Variants in EVA1C observed in about 807,000 individuals in gnomAD.
EVA1C encodes protein eva-1 homolog C.
A neutral mutation model predicts 45.4 loss-of-function variants in EVA1C; 25 were observed. The ratio of observed to expected loss-of-function variants is 0.55; its 90% CI spans 0.40 to 0.77. The LOEUF is 0.77. EVA1C is among the 30% of genes least tolerant of loss of function. The probability of loss-of-function intolerance (pLI) is 0.00; values close to 1 mark genes in which losing one functional copy is unlikely to be tolerated. For missense variants in EVA1C, 479 were observed against 554.8 expected, an observed-to-expected ratio of 0.86 and a Z score of 1.37; for synonymous variants, 190 against 221.2, an observed-to-expected ratio of 0.86 and a Z score of 1.25.
chr21:32,459,352 A>G (rs770798008), intron 3 of EVA1C, among the ~76,000 whole-genome samples: 8 of 152,134 alleles, frequency 5.3e-5, no homozygotes, highest in Admixed American at 1.3e-4. Context: ...CATTGGGATC[A>G]CCTCCTGCCT....
intron 1 of EVA1C, among the ~76,000 whole-genome samples, chr21:32,418,064 C>T (rs1203990730): frequency 2.0e-5 from 3 of 152,116 alleles, no homozygotes; most frequent in Non-Finnish European, 2.9e-5. Flanking sequence ...CCAGGGAGAC[C>T]AGGACTGTAT....
At chr21:32,426,135 G>T (rs895084612) in intron 1 of EVA1C, among the ~76,000 whole-genome samples, 2 of 152,056 alleles carry the variant, frequency 1.3e-5, no homozygotes, top group African/African-American at 4.8e-5. Flanking sequence ...GCCCAGTGGG[G>T]TTTTAGTCAG....
intron 4 of EVA1C, among the ~76,000 whole-genome samples, chr21:32,473,372 C>T (rs1365167693): frequency 1.3e-5 from 2 of 152,234 alleles, no homozygotes; most frequent in African/African-American, 4.8e-5. Flanking sequence ...TGTAGCTGTA[C>T]ATGAAGGCTT....
At chr21:32,438,137 G>C (rs999772418) in intron 1 of EVA1C, among the ~76,000 whole-genome samples, 6 of 152,130 alleles carry the variant, frequency 3.9e-5, no homozygotes, top group African/African-American at 1.2e-4. Flanking sequence ...AACTCAACTT[G>C]ATGCATTCAT....
At position 32,427,480 on chromosome 21, in the gene EVA1C, T is replaced by C. The variant is rs1166261282; in HGVS notation, c.160+14467T>C. Among the ~76,000 whole-genome samples, 5 of 150,942 alleles carry C rather than the reference T, an allele frequency of 3.3e-5. No homozygotes were observed. The East Asian group carries it at 7.9e-4, about 24-fold the overall frequency. On this transcript the variant is annotated intron_variant, in intron 1 of 7. Coordinates refer to ENST00000300255, the MANE Select transcript of EVA1C (RefSeq NM_058187.5). ...TTGTAATCCCAGCACTTTGGGAGGCTGAGGCGGAAAGATCACGAGGTCAAG... is the reference window on the plus strand; with the variant it reads ...TTGTAATCCCAGCACTTTGGGAGGCCGAGGCGGAAAGATCACGAGGTCAAG...
intron 4 of EVA1C, among the ~76,000 whole-genome samples, chr21:32,479,111 G>A (rs778775274): frequency 6.6e-6 from 1 of 152,234 alleles, no homozygotes; most frequent in Non-Finnish European, 1.5e-5. Context: ...TGGGGGTGGA[G>A]GGCAGTTTGC....
intron 4 of EVA1C, among the ~76,000 whole-genome samples, chr21:32,492,715 T>TC (rs2037206750): frequency 6.6e-6 from 1 of 151,946 alleles, no homozygotes; most frequent in South Asian, 2.1e-4. Flanking sequence ...TTTTGTTTTT[T>TC]TTTTTAATGA....
In EVA1C at chr21:32,437,527, G is replaced by A. The variant is rs2833826; in HGVS notation, c.161-15785G>A. On this transcript the variant is annotated intron_variant, in intron 1 of 7. Transcript: ENST00000300255. ...TAGCTCCCGCATCCCTTCAGGTTAA[G>A]ATTCAGACTTCTTAGCAAGGCACTG... 2.7e-3 allele frequency among the ~76,000 whole-genome samples: 411 copies of A among 152,298 alleles called. 1 individual carries two copies. The highest frequency in any genetic ancestry group is 9.3e-3 in the African/African-American group (387 of 41,574).
intron 7 of EVA1C, among the ~76,000 whole-genome samples, chr21:32,507,626 ATC>A (rs774374680): frequency 1.4e-5 from 2 of 146,102 alleles, no homozygotes; most frequent in East Asian, 2.0e-4. Context: ...GTACATGCGT[ATC>A]TGTGTGTGCA....
intron 3 of EVA1C, among the ~76,000 whole-genome samples, chr21:32,466,861 A>G (rs1371656635): frequency 6.7e-6 from 1 of 149,486 alleles, no homozygotes; most frequent in Non-Finnish European, 1.5e-5. Flanking sequence ...AGGTCTTGCT[A>G]TGTTTCCCAG....
At chr21:32,508,481 CA>C (rs965928751) in intron 7 of EVA1C, among the ~76,000 whole-genome samples, 3 of 152,174 alleles carry the variant, frequency 2.0e-5, no homozygotes, top group African/African-American at 7.2e-5. Context: ...AAGAGAAACA[CA>C]AAAACACGCT....
intron 7 of EVA1C, among the ~76,000 whole-genome samples, chr21:32,508,515 C>T (rs1257518085): frequency 2.0e-5 from 3 of 152,152 alleles, no homozygotes; most frequent in Non-Finnish European, 2.9e-5. Context: ...CTATGTGATT[C>T]CCCCACCAGG....
chr21:32,454,888 T>C (rs115411200), intron 2 of EVA1C, among the ~76,000 whole-genome samples: 1,602 of 152,294 alleles, frequency 0.011, 28 homozygotes, highest in African/African-American at 0.036. Context: ...TTTAGGTGAT[T>C]GGTGAAACAC....
At chr21:32,490,188 C>T (rs1327069995) in intron 4 of EVA1C, among the ~76,000 whole-genome samples, 1 of 152,052 alleles carries the variant, frequency 6.6e-6, no homozygotes, top group South Asian at 2.1e-4. Context: ...AGAATTTTTT[C>T]ATCTTGACAA....
intron 4 of EVA1C, among the ~76,000 whole-genome samples, chr21:32,477,627 T>C (rs2036612597): frequency 6.6e-6 from 1 of 151,878 alleles, no homozygotes; most frequent in African/African-American, 2.4e-5. Context: ...GTCTCTTATG[T>C]GTCCTTACAA....
At chr21:32,473,341 A>C (rs2036443482) in intron 4 of EVA1C, among the ~76,000 whole-genome samples, 3 of 152,226 alleles carry the variant, frequency 2.0e-5, no homozygotes, top group Admixed American at 2.0e-4. Context: ...GCCTTAGGGA[A>C]AGGGACCATT....
chr21:32,495,828 C>A (rs1475256997), intron 5 of EVA1C, among the ~76,000 whole-genome samples: 3 of 152,188 alleles, frequency 2.0e-5, no homozygotes, highest in Non-Finnish European at 4.4e-5. Context: ...AGTGTGTAAT[C>A]CTAATGTGTT....
At chr21:32,430,634 G>A (rs1171672094) in intron 1 of EVA1C, among the ~76,000 whole-genome samples, 1 of 152,060 alleles carries the variant, frequency 6.6e-6, no homozygotes, top group South Asian at 2.1e-4. Context: ...CATCTTACAT[G>A]GCAGCAGGCA....
intron 2 of EVA1C, 56 bp downstream of exon 2, chr21:32,453,564 C>T (rs534004029): frequency 5.9e-5 from 74 of 1,246,716 alleles, no homozygotes; most frequent in Admixed American, 1.5e-4. Context: ...CACTCTTTCT[C>T]TCTCTCTGGG....
Sources: gnomAD v4.1 joint callset for allele counts (sites outside exome capture counted in the v4.1 genomes callset) on GRCh38, gnomAD v4.1.1 for gene constraint, MANE v1.5 for transcripts, NCBI Gene and HGNC (gene_info 2026-07-23, HGNC 2026-07-21) for gene names.